The following PDE10A variants were observed in gnomAD, a reference collection of about 807,000 sequenced individuals.
PDE10A encodes phosphodiesterase 10A.
Under a neutral mutation model 97.7 loss-of-function variants are expected in PDE10A, and 39 were observed. That is an observed-to-expected ratio of 0.40 (90% confidence interval 0.31 to 0.52). PDE10A has a LOEUF of 0.52. PDE10A is among the 20% of genes least tolerant of loss of function. The probability of loss-of-function intolerance (pLI) is 0.56; values close to 1 mark genes in which losing one functional copy is unlikely to be tolerated. For synonymous variants in PDE10A, 371 were observed against 376.8 expected, an observed-to-expected ratio of 0.98 and a Z score of 0.18; for missense variants, 731 against 1,047.8, an observed-to-expected ratio of 0.70 and a Z score of 4.17.
intron 1 of PDE10A, among the ~76,000 whole-genome samples, chr6:165,554,490 A>G (rs1226373950): frequency 6.6e-6 from 1 of 152,142 alleles, no homozygotes; most frequent in Non-Finnish European, 1.5e-5. Flanking sequence ...TTAAAATGAC[A>G]TATATTCAAA....
Position 165,690,699 on chromosome 6 carries a change from G to C in PDE10A, c.-614-147131C>G, listed in dbSNP as rs189910716. 2.0e-3 allele frequency among the ~76,000 whole-genome samples: 305 copies of C among 152,324 alleles called. 2 individuals carry two copies. Among genetic ancestry groups the C allele is most frequent in the African/African-American group, 7.0e-3 (290 of 41,576 alleles). ...TCCCTTGAATGTGCTGGTACTTCTT[G>C]CCTCCAAGGCATTCACACAAGCTCT... On this transcript the variant is annotated intron_variant, in intron 1 of 19. Transcript: ENST00000366882.
At chr6:165,562,536 AT>A (rs569372558) in intron 1 of PDE10A, among the ~76,000 whole-genome samples, 3 of 151,656 alleles carry the variant, frequency 2.0e-5, no homozygotes, top group African/African-American at 2.4e-5. Context: ...ATGTTTGATT[AT>A]TTTTTTTTGT....
At chr6:165,564,105 T>C (rs1784657602) in intron 1 of PDE10A, among the ~76,000 whole-genome samples, 1 of 152,208 alleles carries the variant, frequency 6.6e-6, no homozygotes, top group Non-Finnish European at 1.5e-5. Flanking sequence ...CTGGAATTTC[T>C]CTTCCCCTAA....
chr6:165,855,222 G>C (rs900230165), intron 1 of PDE10A, among the ~76,000 whole-genome samples: 23 of 150,680 alleles, frequency 1.5e-4, no homozygotes, highest in Non-Finnish European at 3.2e-4. Context: ...GACCCAGAAG[G>C]AATGAACAGA....
chr6:165,933,032 C>A (rs1180132923), intron 1 of PDE10A, among the ~76,000 whole-genome samples: 1 of 152,152 alleles, frequency 6.6e-6, no homozygotes, highest in East Asian at 1.9e-4. Context: ...TCTGGGGAGG[C>A]TACCAGAGAT....
chr6:165,552,337 C>A (rs556384755), intron 1 of PDE10A, among the ~76,000 whole-genome samples: 1 of 152,308 alleles, frequency 6.6e-6, no homozygotes, highest in Admixed American at 6.5e-5. Flanking sequence ...AGGCTGCTTG[C>A]AAGGTCAGCC....
At chr6:165,823,138 T>A (rs1346699025) in intron 1 of PDE10A, among the ~76,000 whole-genome samples, 3 of 150,436 alleles carry the variant, frequency 2.0e-5, no homozygotes, top group African/African-American at 7.3e-5. Flanking sequence ...GGCCTATAAT[T>A]TTTTTTTTTA....
intron 1 of PDE10A, among the ~76,000 whole-genome samples, chr6:165,807,622 C>T (rs1262988711): frequency 6.6e-6 from 1 of 152,152 alleles, no homozygotes; most frequent in Non-Finnish European, 1.5e-5. Flanking sequence ...ACAAGTTCAA[C>T]GTCAACCTCC....
chr6:165,964,091 T>G (rs1784437403), intron 1 of PDE10A, among the ~76,000 whole-genome samples: 1 of 152,240 alleles, frequency 6.6e-6, no homozygotes, highest in African/African-American at 2.4e-5. Context: ...TTCTCTCTTT[T>G]ATTGCCAAGA....
chr6:165,794,571 A>G (rs1385200575), intron 1 of PDE10A, among the ~76,000 whole-genome samples: 1 of 150,522 alleles, frequency 6.6e-6, no homozygotes, highest in Non-Finnish European at 1.5e-5. Context: ...ACTTACACAC[A>G]CATTCCTACA....
chr6:165,423,760 G>A (rs551048025), intron 10 of PDE10A, among the ~76,000 whole-genome samples: 4 of 149,586 alleles, frequency 2.7e-5, no homozygotes, highest in African/African-American at 7.6e-5. Flanking sequence ...AGCTACTCGG[G>A]AGGCTGAGGC....
At chr6:165,846,522 C>T (rs1440441907) in intron 1 of PDE10A, among the ~76,000 whole-genome samples, 2 of 152,242 alleles carry the variant, frequency 1.3e-5, no homozygotes, top group African/African-American at 4.8e-5. Flanking sequence ...TTAGCGGCTC[C>T]GCGTGCTTTC....
chr6:165,816,343 A>G (rs1779410976), intron 1 of PDE10A, among the ~76,000 whole-genome samples: 2 of 152,234 alleles, frequency 1.3e-5, no homozygotes, highest in African/African-American at 4.8e-5. Flanking sequence ...TTATTGATTG[A>G]TCATTCACTA....
At chr6:165,836,332 G>T (rs990574671) in intron 1 of PDE10A, among the ~76,000 whole-genome samples, 1 of 152,172 alleles carries the variant, frequency 6.6e-6, no homozygotes, top group African/African-American at 2.4e-5. Context: ...AGAGTCTAGC[G>T]CCCACTATGT....
intron 1 of PDE10A, among the ~76,000 whole-genome samples, chr6:165,884,010 G>A (rs915181235): frequency 3.3e-5 from 5 of 152,116 alleles, no homozygotes; most frequent in Non-Finnish European, 7.3e-5. Flanking sequence ...GGGCATCTGC[G>A]TGCCTGAAGC....
chr6:165,607,918 G>A (rs945675895), intron 1 of PDE10A, among the ~76,000 whole-genome samples: 27 of 151,900 alleles, frequency 1.8e-4, no homozygotes, highest in Admixed American at 2.6e-4. Context: ...CCGGTCCTCC[G>A]CTGAGTTTGC....
intron 1 of PDE10A, among the ~76,000 whole-genome samples, chr6:165,741,534 G>C (rs1792720262): frequency 6.6e-6 from 1 of 152,144 alleles, no homozygotes; most frequent in South Asian, 2.1e-4. Context: ...AGAGTGATTT[G>C]ACTATTAGTA....
chr6:165,746,087 C>A (rs888365221), intron 1 of PDE10A, among the ~76,000 whole-genome samples: 2 of 152,114 alleles, frequency 1.3e-5, no homozygotes, highest in African/African-American at 4.8e-5. Context: ...TTTTGTTGGG[C>A]CCTGCCACAA....
intron 1 of PDE10A, among the ~76,000 whole-genome samples, chr6:165,869,307 G>A (rs1171677171): frequency 6.7e-6 from 1 of 150,374 alleles, no homozygotes; most frequent in Non-Finnish European, 1.5e-5. Context: ...TAACAACCTA[G>A]CTGAAAAAAA....
Sources: allele counts gnomAD v4.1 joint callset (sites outside exome capture counted in the v4.1 genomes callset), GRCh38; gene constraint gnomAD v4.1.1; transcripts MANE v1.5; gene names NCBI Gene and HGNC (gene_info 2026-07-23, HGNC 2026-07-21).